The following TLR10 variants were observed in gnomAD, a reference collection of about 807,000 sequenced individuals.
TLR10 encodes the protein toll like receptor 10, also known as toll-like receptor 10.
For missense variants in TLR10, 929 were observed against 932.9 expected, an observed-to-expected ratio of 1.00 and a Z score of 0.05; for synonymous variants, 288 against 338.8, an observed-to-expected ratio of 0.85 and a Z score of 1.65.
rs199943408 is a variant in TLR10 at position 38,774,768 on chromosome 4, G to A, written c.823C>T (p.Gln275Ter). Residue 275 changes from glutamine to a stop codon, truncating the protein, a stop_gained, in exon 4 of 4, where the codon CAG becomes TAG. Coordinates refer to ENST00000308973, the MANE Select transcript of TLR10 (RefSeq NM_030956.4). LOFTEE classifies it low-confidence loss of function (END_TRUNC). The part of the protein sequence containing the change: ...FVWHTSVEHF[Q>*]IRNVTFGGKA... Reference sequence around the variant, plus strand: ...CCACCAAAAGTCACATTTCGGATCTGAAAGTGTTCCACTGATGTATGCCAA... The same window carrying A: ...CCACCAAAAGTCACATTTCGGATCTAAAAGTGTTCCACTGATGTATGCCAA... 6.4e-5 allele frequency: 103 copies of A among 1,602,056 alleles called. No individual in the cohort carries two copies. The highest frequency in any genetic ancestry group is 8.3e-5 in the Non-Finnish European group (98 of 1,176,274).
chr4:38,775,461 C>A lies in TLR10; in HGVS notation c.130G>T (p.Ala44Ser), dbSNP rs1201664038. The change falls in exon 4 of 4, where the codon GCA (alanine) becomes TCA (serine). Residue 44 changes from alanine to serine, a missense_variant. Ala to Ser is a moderately conservative substitution (Grantham distance 99). Transcript: ENST00000308973. ...GTCGTTGTGGCTGGGGTCAAGTCTG[C>A]GGGAACCTTTCTTAGAGACATGTTG... The part of the protein sequence containing the change: ...CSNMSLRKVP[A>S]DLTPATTTLD... The A allele has an allele frequency of 1.2e-6, 2 of 1,613,942 alleles. No individual in the cohort carries two copies. The highest frequency in any genetic ancestry group is 1.7e-6 in the Non-Finnish European group (2 of 1,180,012).
rs370066456 is a variant in TLR10 at position 38,782,692 on chromosome 4, A to G, written c.-569+229T>C. Among the ~76,000 whole-genome samples the G allele has an allele frequency of 3.3e-5, 5 of 152,276 alleles. No homozygotes were observed. The South Asian group carries it at 6.2e-4, about 19-fold the overall frequency. On this transcript the variant is annotated intron_variant, in intron 1 of 3. Coordinates refer to ENST00000308973, the MANE Select transcript of TLR10 (RefSeq NM_030956.4). ...AAGAGCTGACCAGGTTTGATCCGCA[A>G]TCAGTGAAAAGAAACCCACGCTCTC... is the stretch of plus-strand genomic sequence containing the variant.
At position 38,773,259 on chromosome 4, in the gene TLR10, T is replaced by C. The variant is rs755738760; in HGVS notation, c.2332A>G (p.Asn778Asp). 6.8e-6 allele frequency: 11 copies of C among 1,611,168 alleles called. No homozygotes were observed. In the East Asian group the frequency reaches 2.2e-4, roughly 33 times the overall value. The change falls in exon 4 of 4, where the codon AAT (asparagine) becomes GAT (aspartate). Residue 778 changes from asparagine to aspartate, a missense_variant. Transcript: ENST00000308973. ...TACATTTCTCTGGTGGCTAATACAT[T>C]AACATTAATAGCAGCTCGAAGGTTT... ...WANLRAAINV[N>D]VLATREMYEL...
rs1451524671 is a variant in TLR10 at position 38,774,743 on chromosome 4, C to T, written c.848G>A (p.Gly283Asp). 1.3e-6 allele frequency: 2 copies of T among 1,598,762 alleles called. No homozygotes were observed. Among genetic ancestry groups the T allele is most frequent in the Admixed American group, 1.8e-5 (1 of 55,876 alleles). The change falls in exon 4 of 4, where the codon GGT (glycine) becomes GAT (aspartate). Residue 283 changes from glycine to aspartate, a missense_variant. By Grantham distance (94) the Gly-to-Asp change is moderately conservative. Coordinates refer to ENST00000308973, the MANE Select transcript of TLR10 (RefSeq NM_030956.4). ...TGAATTGTGGTCAAGATAAGCCTTACCACCAAAAGTCACATTTCGGATCTG... is the reference window on the plus strand; with the variant it reads ...TGAATTGTGGTCAAGATAAGCCTTATCACCAAAAGTCACATTTCGGATCTG... ...HFQIRNVTFG[G>D]KAYLDHNSFD... is the part of the protein sequence containing the mutation.
chr4:38,775,419 TATAG>T lies in TLR10; in HGVS notation c.168_171del (p.Tyr57ThrfsTer17). 5.6e-6 allele frequency: 9 copies of T among 1,614,142 alleles called. No homozygotes were observed. The highest frequency in any genetic ancestry group is 6.8e-6 in the Non-Finnish European group (8 of 1,180,014). On this transcript the variant is annotated frameshift_variant, in exon 4 of 4. Coordinates refer to ENST00000308973, the MANE Select transcript of TLR10 (RefSeq NM_030956.4). LOFTEE classifies it low-confidence loss of function (END_TRUNC). Reference sequence around the variant, plus strand: ...GAACTCTGGAGTTGAAAAAGGAGGTTATAGGATAAATCCAGTGTCGTTGTGGCTG... The same window carrying T: ...GAACTCTGGAGTTGAAAAAGGAGGTTGATAAATCCAGTGTCGTTGTGGCTG...
At chr4:38,778,002 G>A (rs1184583132) in intron 1 of TLR10, among the ~76,000 whole-genome samples, 1 of 152,110 alleles carries the variant, frequency 6.6e-6, no homozygotes, top group Non-Finnish European at 1.5e-5. Flanking sequence ...ATGCACACAC[G>A]TGTTTATTGC....
Position 38,772,261 on chromosome 4 carries a change from T to A in TLR10, c.*894A>T, listed in dbSNP as rs1042668365. ...TGTAGGCTGTAAAAACTATCTTTAT[T>A]TTTTTTCTACTTATAAAAGAAATAC... On this transcript the variant is annotated 3_prime_UTR_variant, in exon 4 of 4. Transcript: ENST00000308973. 6.6e-6 allele frequency: 1 copy of A among 152,160 alleles called. No homozygotes were observed. The highest frequency in any genetic ancestry group is 1.5e-5 in the Non-Finnish European group (1 of 68,030). 9.4% of individuals were successfully genotyped at this position (152,160 alleles called of 1,614,324 possible).
At position 38,775,094 on chromosome 4, in the gene TLR10, T is replaced by G. The variant is rs1006851564; in HGVS notation, c.497A>C (p.His166Pro). 2 of 1,613,136 alleles carry G rather than the reference T, an allele frequency of 1.2e-6. No individual in the cohort carries two copies. The highest frequency in any genetic ancestry group is 1.3e-5 in the African/African-American group (1 of 75,072). Reference protein sequence around the residue: ...KSDFQKIAHLHLNTVFLGFRT... With the variant: ...KSDFQKIAHLPLNTVFLGFRT... Reference sequence around the variant, plus strand: ...GAATCCTAAGAAGACAGTATTTAGATGCAGATGAGCAATTTTCTGGAAATC... The same window carrying G: ...GAATCCTAAGAAGACAGTATTTAGAGGCAGATGAGCAATTTTCTGGAAATC... The change falls in exon 4 of 4, where the codon CAT (histidine) becomes CCT (proline). Residue 166 changes from histidine (H) to proline (P), a missense_variant. His to Pro is a moderately conservative substitution (Grantham distance 77). Transcript: ENST00000308973.
Position 38,773,115 on chromosome 4 carries a change from C to G in TLR10, c.*40G>C, listed in dbSNP as rs375333645. The G allele has an allele frequency of 1.2e-5, 18 of 1,479,318 alleles. No homozygotes were observed. In the African/African-American group the frequency reaches 2.3e-4, roughly 19 times the overall value. 91.6% of individuals were successfully genotyped at this position (1,479,318 alleles called of 1,614,324 possible). A position where few individuals can be genotyped will look rare whatever the true frequency, so the allele number is the denominator to read the frequency against. On this transcript the variant is annotated 3_prime_UTR_variant, in exon 4 of 4. Transcript: ENST00000308973. The stretch of plus-strand genomic sequence containing the variant: ...AAGGTTGTATCAATGTACATCCCAA[C>G]AGTGTATGTGGTCCCCAACTTCCCA...
At position 38,775,596 on chromosome 4, in the gene TLR10, T is replaced by G. The variant is rs753947720; in HGVS notation, c.-6A>C. 5 of 1,586,374 alleles carry G rather than the reference T, an allele frequency of 3.2e-6. No individual in the cohort carries two copies. In the African/African-American group the frequency reaches 6.8e-5, roughly 21 times the overall value. On this transcript the variant is annotated 5_prime_UTR_variant, in exon 4 of 4. Transcript: ENST00000308973. ...ATGTTTCTGATGAGTCTCATTGTAT[T>G]TCCAAGGATTTTACCACTTATTTCC...
chr4:38,774,617 T>C lies in TLR10; in HGVS notation c.974A>G (p.Lys325Arg). The change falls in exon 4 of 4, where the codon AAA becomes AGA. Residue 325 changes from lysine to arginine, a missense_variant. Lys to Arg is a conservative substitution (Grantham distance 26, BLOSUM62 2). Transcript: ENST00000308973. ...QQDKIYLLLTKMDIENLTISN... is the reference protein window; with the variant it reads ...QQDKIYLLLTRMDIENLTISN... ...TATTGTCAGGTTTTCTATGTCCATTTTGGTCAAAAGCAAATAGATTTTATC... is the reference window on the plus strand; with the variant it reads ...TATTGTCAGGTTTTCTATGTCCATTCTGGTCAAAAGCAAATAGATTTTATC... 1 of 1,587,474 alleles carries C rather than the reference T, an allele frequency of 6.3e-7. No individual in the cohort carries two copies. Among genetic ancestry groups the C allele is most frequent in the Non-Finnish European group, 8.5e-7 (1 of 1,170,960 alleles).
intron 1 of TLR10, among the ~76,000 whole-genome samples, chr4:38,778,636 T>C (rs1242518791): frequency 6.6e-6 from 1 of 152,108 alleles, no homozygotes; most frequent in Admixed American, 6.5e-5. Flanking sequence ...ACTCTACGTG[T>C]CCCCACACCA....
At chr4:38,779,290 A>G (rs982094728) in intron 1 of TLR10, among the ~76,000 whole-genome samples, 1 of 152,240 alleles carries the variant, frequency 6.6e-6, no homozygotes, top group Non-Finnish European at 1.5e-5. Context: ...GTTCTCAAAT[A>G]TCTTGGAGAA....
At chr4:38,780,245 A>G (rs1725313410) in intron 1 of TLR10, among the ~76,000 whole-genome samples, 2 of 152,062 alleles carry the variant, frequency 1.3e-5, no homozygotes, top group African/African-American at 4.8e-5. Flanking sequence ...TACTAAAAAA[A>G]TACAAAAAAT....
rs775716198 is a variant in TLR10, at chr4:38,775,385, T to C, written c.206A>G (p.His69Arg). The C allele has an allele frequency of 5.0e-6, 8 of 1,614,120 alleles. No homozygotes were observed. The South Asian group carries it at 8.8e-5, about 18-fold the overall frequency. ...CAAAACTCTCAGTTTGGAGACAGAATGAAAATCTGAACTCTGGAGTTGAAA... is the reference window on the plus strand; with the variant it reads ...CAAAACTCTCAGTTTGGAGACAGAACGAAAATCTGAACTCTGGAGTTGAAA... ...LLFQLQSSDF[H>R]SVSKLRVLIL... is the part of the protein sequence containing the mutation. The change falls in exon 4 of 4, where the codon CAT (histidine) becomes CGT (arginine). Residue 69 changes from histidine to arginine, a missense_variant. By Grantham distance (29) the His-to-Arg change is conservative (BLOSUM62 0). Coordinates refer to ENST00000308973, the MANE Select transcript of TLR10 (RefSeq NM_030956.4).
In TLR10 at chr4:38,774,382, ATCCAAGTGT is replaced by A; in HGVS notation, c.1200_1208del (p.Glu400_Leu402del). 6.2e-7 allele frequency: 1 copy of A among 1,613,322 alleles called. No individual in the cohort carries two copies. Among genetic ancestry groups the A allele is most frequent in the Admixed American group, 1.7e-5 (1 of 59,852 alleles). On this transcript the variant is annotated inframe_deletion, in exon 4 of 4. Transcript: ENST00000308973. ...TATGTTGTAATAGATTTTGACTCAG[ATCCAAGTGT>A]TCCAAGGGTGTGTTGTTAGCAAAGC... is the stretch of plus-strand genomic sequence containing the variant.
At position 38,772,887 on chromosome 4, in the gene TLR10, C is replaced by CT. The variant is rs781603421; in HGVS notation, c.*267dup. On this transcript the variant is annotated 3_prime_UTR_variant, in exon 4 of 4. Coordinates refer to ENST00000308973, the MANE Select transcript of TLR10 (RefSeq NM_030956.4). Reference sequence around the variant, plus strand: ...TCACCCACCTTGGCCTCCCATAGTGCTGGGATTACAAGAGTGAGCCACTGC... The same window carrying CT: ...TCACCCACCTTGGCCTCCCATAGTGCTTGGGATTACAAGAGTGAGCCACTGC... 4.6e-5 allele frequency: 10 copies of CT among 219,262 alleles called. No individual in the cohort carries two copies. The highest frequency in any genetic ancestry group is 1.4e-4 in the African/African-American group (6 of 43,720). The allele number at this position is 219,262 out of a possible 1,614,324, so 13.6% of individuals were successfully genotyped here. A position where few individuals can be genotyped will look rare whatever the true frequency, so the allele number is the denominator to read the frequency against.
intron 1 of TLR10, among the ~76,000 whole-genome samples, chr4:38,781,503 T>G (rs1227523231): frequency 6.6e-6 from 1 of 152,136 alleles, no homozygotes; most frequent in Admixed American, 6.5e-5. Context: ...CCCGGCTAAT[T>G]TTTGTATTTT....
At chr4:38,780,327 C>T (rs1725320918) in intron 1 of TLR10, among the ~76,000 whole-genome samples, 1 of 151,148 alleles carries the variant, frequency 6.6e-6, no homozygotes, top group African/African-American at 2.5e-5. Flanking sequence ...TCACTTGAAC[C>T]CAAAAGGTGG....
Sources: allele counts gnomAD v4.1 joint callset (sites outside exome capture counted in the v4.1 genomes callset), GRCh38; gene constraint gnomAD v4.1.1; transcripts MANE v1.5; gene names NCBI Gene and HGNC (gene_info 2026-07-23, HGNC 2026-07-21).